The following ANKRD31 variants were observed in gnomAD, a reference collection of about 807,000 sequenced individuals.
The protein encoded by ANKRD31 is ankyrin repeat domain-containing protein 31.
A neutral mutation model predicts 186.0 loss-of-function variants in ANKRD31; 147 were observed. The ratio of observed to expected loss-of-function variants is 0.79; its 90% CI spans 0.69 to 0.91. The LOEUF is 0.91. ANKRD31 is among the 40% of genes least tolerant of loss of function. ANKRD31 has a pLI of 0.00. For synonymous variants in ANKRD31, 673 were observed against 736.4 expected, an observed-to-expected ratio of 0.91 and a Z score of 1.39; for missense variants, 1,986 against 2,148.8, an observed-to-expected ratio of 0.92 and a Z score of 1.50.
intron 25 of ANKRD31, among the ~76,000 whole-genome samples, chr5:75,078,706 A>G (rs1744851717): frequency 6.6e-6 from 1 of 152,240 alleles, no homozygotes; most frequent in Non-Finnish European, 1.5e-5. Context: ...TAAAAAAGAA[A>G]TAACTTTGTG....
intron 15 of ANKRD31, among the ~76,000 whole-genome samples, chr5:75,141,058 C>A (rs1751012251): frequency 6.6e-6 from 1 of 152,126 alleles, no homozygotes; most frequent in Non-Finnish European, 1.5e-5. Context: ...ACAAGCTTTT[C>A]AGGTAATTCT....
intron 7 of ANKRD31, 22 bp from the exon 8 acceptor site, chr5:75,193,613 C>A: frequency 1.3e-6 from 2 of 1,503,306 alleles, no homozygotes; most frequent in South Asian, 2.5e-5. Context: ...TAAATACATC[C>A]ACAAAAAATT....
At chr5:75,175,883 G>A (rs1333261262) in intron 10 of ANKRD31, among the ~76,000 whole-genome samples, 1 of 152,052 alleles carries the variant, frequency 6.6e-6, no homozygotes, top group Non-Finnish European at 1.5e-5. Context: ...CCGGATAGTG[G>A]GTGCAGGACA....
chr5:75,206,486 T>G lies in ANKRD31; in HGVS notation c.328A>C (p.Thr110Pro). The G allele has an allele frequency of 7.1e-7, 1 of 1,415,684 alleles. No individual in the cohort carries two copies. Among genetic ancestry groups the G allele is most frequent in the Non-Finnish European group, 9.2e-7 (1 of 1,088,034 alleles). 87.7% of individuals were successfully genotyped at this position (1,415,684 alleles called of 1,614,324 possible). The change falls in exon 5 of 26, where the codon ACT becomes CCT. Residue 110 changes from threonine to proline, a missense_variant and splice_region_variant. Transcript: ENST00000506364. Reference sequence around the variant, plus strand: ...ATGAACATTGAACAGTTTTTTCTAGTCCTAAAAAATCAATTAATAAAAATA... The same window carrying G: ...ATGAACATTGAACAGTTTTTTCTAGGCCTAAAAAATCAATTAATAAAAATA... The part of the protein sequence containing the change: ...ETERNQALLQ[T>P]RKNCSMFIGS...
At chr5:75,085,326 C>T (rs973562008) in intron 23 of ANKRD31, among the ~76,000 whole-genome samples, 5 of 152,134 alleles carry the variant, frequency 3.3e-5, no homozygotes, top group South Asian at 2.1e-4. Flanking sequence ...GAGTGCCTGA[C>T]GATACTGGAT....
intron 25 of ANKRD31, among the ~76,000 whole-genome samples, chr5:75,074,002 T>C (rs1320220170): frequency 2.6e-5 from 4 of 152,196 alleles, no homozygotes; most frequent in African/African-American, 9.6e-5. Context: ...TTCCAGCTTG[T>C]TTTAGTATTC....
chr5:75,111,577 C>T (rs1747790774), intron 20 of ANKRD31, among the ~76,000 whole-genome samples: 1 of 152,102 alleles, frequency 6.6e-6, no homozygotes, highest in Non-Finnish European at 1.5e-5. Flanking sequence ...TCCTGCTATA[C>T]AAAAGGTTGA....
intron 10 of ANKRD31, among the ~76,000 whole-genome samples, chr5:75,171,335 C>T (rs1027337268): frequency 6.6e-6 from 1 of 151,856 alleles, no homozygotes; most frequent in African/African-American, 2.4e-5. Flanking sequence ...AATCCCCAAA[C>T]ATTTTAAAAT....
intron 11 of ANKRD31, among the ~76,000 whole-genome samples, chr5:75,166,147 A>T (rs1203163183): frequency 6.6e-6 from 1 of 152,140 alleles, no homozygotes; most frequent in Non-Finnish European, 1.5e-5. Context: ...CTACCACATA[A>T]TATAATGTAT....
At chr5:75,151,338 A>G (rs1243679867) in intron 12 of ANKRD31, among the ~76,000 whole-genome samples, 1 of 151,888 alleles carries the variant, frequency 6.6e-6, no homozygotes, top group East Asian at 1.9e-4. Flanking sequence ...CCCCTTCCAA[A>G]TCTTATCTTG....
intron 22 of ANKRD31, among the ~76,000 whole-genome samples, chr5:75,092,564 G>T (rs780708286): frequency 4.6e-5 from 7 of 152,140 alleles, no homozygotes; most frequent in Admixed American, 2.0e-4. Flanking sequence ...CACTGAAGTG[G>T]GGACTTCACT....
At chr5:75,109,254 A>C (rs1314110883) in intron 20 of ANKRD31, among the ~76,000 whole-genome samples, 2 of 152,196 alleles carry the variant, frequency 1.3e-5, no homozygotes, top group Non-Finnish European at 2.9e-5. Flanking sequence ...AATGTTAACA[A>C]TGGCAATTTT....
At position 75,137,839 on chromosome 5, in the gene ANKRD31, T is replaced by TTCAC; in HGVS notation, c.3876+16_3876+17insGTGA. On this transcript the variant is annotated intron_variant, in intron 17 of 25. Transcript: ENST00000506364. ...CTAAGAAAAAGTAGTAAGATCTTAA[T>TTCAC]GTGATGTGCACTGTACCTTTAAATG... 1 of 1,443,608 alleles carries TTCAC rather than the reference T, an allele frequency of 6.9e-7. No homozygotes were observed. The highest frequency in any genetic ancestry group is 1.5e-5 in the South Asian group (1 of 64,856). The allele number at this position is 1,443,608 out of a possible 1,614,324, so 89.4% of individuals were successfully genotyped here.
rs1037155884 is a variant in ANKRD31, at chr5:75,122,477, CAG to C, written c.3877-4182_3877-4181del. On this transcript the variant is annotated intron_variant, in intron 17 of 25. Coordinates refer to ENST00000506364, the MANE Select transcript of ANKRD31 (RefSeq NM_001372053.1). ...AAAGTCTGACAAGAACACAAACAAA[CAG>C]AAAAAAAACTACAGACCAATATCCC... Among the ~76,000 whole-genome samples, 4 of 150,104 alleles carry C rather than the reference CAG, an allele frequency of 2.7e-5. No individual in the cohort carries two copies. The South Asian group carries it at 8.4e-4, about 32-fold the overall frequency.
At chr5:75,161,818 C>T (rs1253885713) in intron 11 of ANKRD31, among the ~76,000 whole-genome samples, 3 of 152,230 alleles carry the variant, frequency 2.0e-5, no homozygotes, top group Admixed American at 1.3e-4. Flanking sequence ...TGGGCTGTGG[C>T]TTCAGAGGGT....
At chr5:75,175,008 A>T (rs1222016207) in intron 10 of ANKRD31, among the ~76,000 whole-genome samples, 8 of 152,262 alleles carry the variant, frequency 5.3e-5, no homozygotes, top group Non-Finnish European at 1.2e-4. Context: ...GATTGGATTA[A>T]GAAAATGTGG....
intron 24 of ANKRD31, among the ~76,000 whole-genome samples, chr5:75,081,698 GAC>G (rs1350021219): frequency 6.6e-6 from 1 of 150,544 alleles, no homozygotes; most frequent in East Asian, 1.9e-4. Flanking sequence ...GAGAGAGAGA[GAC>G]AGAGAGAGAG....
At chr5:75,117,914 T>A (rs1351386788) in intron 18 of ANKRD31, among the ~76,000 whole-genome samples, 1 of 152,132 alleles carries the variant, frequency 6.6e-6, no homozygotes, top group Non-Finnish European at 1.5e-5. Context: ...GCTATAGGTT[T>A]CATTTCAACA....
chr5:75,158,121 G>T (rs918590937), intron 11 of ANKRD31, among the ~76,000 whole-genome samples: 1 of 152,102 alleles, frequency 6.6e-6, no homozygotes, highest in Admixed American at 6.6e-5. Context: ...TGCTAGAGAA[G>T]AAACTTCTGA....
Sources: gnomAD v4.1 joint callset for allele counts (sites outside exome capture counted in the v4.1 genomes callset) on GRCh38, gnomAD v4.1.1 for gene constraint, MANE v1.5 for transcripts, NCBI Gene and HGNC (gene_info 2026-07-23, HGNC 2026-07-21) for gene names.